TUSC3: variants seen among roughly 807,000 people sequenced by gnomAD.
The protein encoded by TUSC3 is dolichyl-diphosphooligosaccharide--protein glycosyltransferase subunit TUSC3.
Under a neutral mutation model 44.8 loss-of-function variants are expected in TUSC3, and 45 were observed. That is an observed-to-expected ratio of 1.00 (90% confidence interval 0.79 to 1.29). The LOEUF (loss-of-function observed/expected upper bound fraction) is 1.29, where lower values mean the gene tolerates loss of function less well. Ranked by LOEUF, TUSC3 falls within the 50% of genes most tolerant of loss-of-function variation. TUSC3 has a pLI of 0.00. For synonymous variants in TUSC3, 212 were observed against 152.9 expected (o/e 1.39, Z -2.85); for missense variants, 519 against 437.9 (o/e 1.19, Z -1.65).
Position 15,754,167 on chromosome 8 carries a change from A to G in TUSC3, c.1029-3624A>G, listed in dbSNP as rs112326551. Among the ~76,000 whole-genome samples the G allele has an allele frequency of 6.9e-4, 105 of 152,222 alleles. No individual in the cohort carries two copies. The East Asian group carries it at 0.012, about 18-fold the overall frequency. Reference sequence around the variant, plus strand: ...GAAATGCAGGAAAGAATTATTCTAGAAAGAGGAAAACGCACAACACATACT... The same window carrying G: ...GAAATGCAGGAAAGAATTATTCTAGGAAGAGGAAAACGCACAACACATACT... On this transcript the variant is annotated intron_variant, in intron 9 of 10. Transcript: ENST00000503731.
chr8:15,541,280 G>C (rs966675922), intron 1 of TUSC3, among the ~76,000 whole-genome samples: 1 of 152,174 alleles, frequency 6.6e-6, no homozygotes, highest in Non-Finnish European at 1.5e-5. Context: ...GAAGTGACTG[G>C]TTGTATTTAA....
chr8:15,811,636 A>T, the TUSC3 span, among the ~76,000 whole-genome samples: 1 of 152,244 alleles, frequency 6.6e-6, no homozygotes, highest in Admixed American at 6.5e-5. Flanking sequence ...GTGAGCGAAC[A>T]GGTGAATATC....
At chr8:15,613,775 C>A (rs1294744518) in intron 1 of TUSC3, among the ~76,000 whole-genome samples, 3 of 152,094 alleles carry the variant, frequency 2.0e-5, no homozygotes, top group Non-Finnish European at 4.4e-5. Context: ...TATTTCTGTT[C>A]TCCTTTAACT....
chr8:15,662,895 A>C (rs1338948947), intron 5 of TUSC3, among the ~76,000 whole-genome samples: 2 of 151,980 alleles, frequency 1.3e-5, no homozygotes, highest in African/African-American at 4.8e-5. Context: ...AGATTGTGAC[A>C]TGAGCTGAAT....
At chr8:15,604,993 T>C (rs4831343) in intron 1 of TUSC3, among the ~76,000 whole-genome samples, 19,692 of 151,906 alleles carry the variant, frequency 0.13, 1,646 homozygotes, top group Non-Finnish European at 0.19. Flanking sequence ...CATAAAACTC[T>C]GGTTATTGTA....
the TUSC3 span, among the ~76,000 whole-genome samples, chr8:15,850,568 C>G: frequency 6.6e-6 from 1 of 152,134 alleles, no homozygotes. Flanking sequence ...CTTCTCATCT[C>G]TTTCCCCTAT....
chr8:15,453,612 A>G (rs1356156630), intron 1 of TUSC3, among the ~76,000 whole-genome samples: 1 of 151,074 alleles, frequency 6.6e-6, no homozygotes, highest in Non-Finnish European at 1.5e-5. Flanking sequence ...TAAATGCATG[A>G]ATTTGCTGAC....
At position 15,567,582 on chromosome 8, in the gene TUSC3, C is replaced by T. The variant is rs80247298; in HGVS notation, c.138+27014C>T. On this transcript the variant is annotated intron_variant, in intron 1 of 10. Transcript: ENST00000503731. ...ATAAACCTGAGTAGCTCTCTTGTAT[C>T]GCTTTTTAAATATCAACTTGATGAA... is the stretch of plus-strand genomic sequence containing the variant. Among the ~76,000 whole-genome samples the T allele has an allele frequency of 2.5e-3, 387 of 152,190 alleles. 9 individuals carry two copies. The East Asian group carries it at 0.054, about 21-fold the overall frequency.
At chr8:15,711,201 A>G (rs976475460) in intron 6 of TUSC3, among the ~76,000 whole-genome samples, 2 of 151,614 alleles carry the variant, frequency 1.3e-5, no homozygotes, top group African/African-American at 4.8e-5. Context: ...CTTCTGAAAA[A>G]TTCCTGTAAG....
At chr8:15,837,525 G>A in the TUSC3 span, among the ~76,000 whole-genome samples, 1 of 151,596 alleles carries the variant, frequency 6.6e-6, no homozygotes, top group Non-Finnish European at 1.5e-5. Flanking sequence ...TTTCCCCCAT[G>A]TTCCTTACTG....
intron 1 of TUSC3, among the ~76,000 whole-genome samples, chr8:15,438,926 G>C (rs1044174060): frequency 6.6e-6 from 1 of 152,142 alleles, no homozygotes; most frequent in Non-Finnish European, 1.5e-5. Context: ...ATTTAAAATG[G>C]TGTGGTCGCA....
chr8:15,621,948 A>G (rs1805265653), intron 1 of TUSC3, among the ~76,000 whole-genome samples: 1 of 151,832 alleles, frequency 6.6e-6, no homozygotes, highest in South Asian at 2.1e-4. Flanking sequence ...TTTCCTGTTC[A>G]AGTGGGTGCA....
In TUSC3 at chr8:15,650,984, T is replaced by TACAC. The variant is rs3070913; in HGVS notation, c.426+206_426+209dup. 3.3e-3 allele frequency: 1,679 copies of TACAC among 501,878 alleles called. 13 individuals carry two copies. Among genetic ancestry groups the TACAC allele is most frequent in the African/African-American group, 0.018 (916 of 50,542 alleles). 31.1% of individuals were successfully genotyped at this position (501,878 alleles called of 1,614,324 possible). ...CAGGTGGAGGACAGAGCAAGACTTT[T>TACAC]ACACACACACACACACACACACACA... On this transcript the variant is annotated intron_variant, in intron 3 of 10. Transcript: ENST00000503731.
chr8:15,624,346 G>A (rs1053920934), intron 2 of TUSC3, among the ~76,000 whole-genome samples: 2 of 152,162 alleles, frequency 1.3e-5, no homozygotes, highest in African/African-American at 4.8e-5. Flanking sequence ...GAGTGTGGTG[G>A]TTAGGTTGTG....
At chr8:15,657,381 C>T (rs565887884) in intron 3 of TUSC3, among the ~76,000 whole-genome samples, 6 of 152,316 alleles carry the variant, frequency 3.9e-5, no homozygotes, top group South Asian at 4.1e-4. Context: ...CAGATATCCT[C>T]GTTGATTGCT....
intron 4 of TUSC3, among the ~76,000 whole-genome samples, 191 bp from the exon 5 acceptor site, chr8:15,661,965 C>T (rs1476413303): frequency 6.6e-6 from 1 of 151,854 alleles, no homozygotes; most frequent in African/African-American, 2.4e-5. Flanking sequence ...AGTGCAAAGT[C>T]GTTTTACATA....
At chr8:15,603,109 A>T (rs1395254471) in intron 1 of TUSC3, among the ~76,000 whole-genome samples, 3 of 151,674 alleles carry the variant, frequency 2.0e-5, no homozygotes, top group African/African-American at 7.2e-5. Context: ...AAGATATCAT[A>T]GTTGCCACAC....
chr8:15,746,476 G>A (rs1811419797), intron 8 of TUSC3, among the ~76,000 whole-genome samples: 1 of 152,020 alleles, frequency 6.6e-6, no homozygotes, highest in Non-Finnish European at 1.5e-5. Flanking sequence ...CCTCATTATG[G>A]CATTTTATTT....
chr8:15,606,127 A>G (rs1225054373), intron 1 of TUSC3, among the ~76,000 whole-genome samples: 1 of 152,082 alleles, frequency 6.6e-6, no homozygotes, highest in Admixed American at 6.6e-5. Flanking sequence ...CAGACAAGCC[A>G]TGACATTACA....
Sources: allele counts gnomAD v4.1 joint callset (sites outside exome capture counted in the v4.1 genomes callset), GRCh38; gene constraint gnomAD v4.1.1; transcripts MANE v1.5; gene names NCBI Gene and HGNC (gene_info 2026-07-23, HGNC 2026-07-21).